The following SPOCK1 variants were observed in gnomAD, a reference collection of about 807,000 sequenced individuals.
SPOCK1 encodes the protein testican-1.
Under a neutral mutation model 55.3 loss-of-function variants are expected in SPOCK1, and 23 were observed. The observed-to-expected ratio is 0.42, with a 90% confidence interval of 0.30 to 0.59. SPOCK1 has a LOEUF of 0.59. Among genes scored for constraint, SPOCK1 ranks in the 20% least tolerant of loss-of-function variants. The probability of loss-of-function intolerance (pLI) is 0.22; values close to 1 mark genes in which losing one functional copy is unlikely to be tolerated. For synonymous variants in SPOCK1, 226 were observed against 221.0 expected (o/e 1.02, Z -0.20); for missense variants, 499 against 552.5 (o/e 0.90, Z 0.97).
intron 3 of SPOCK1, among the ~76,000 whole-genome samples, chr5:137,251,907 C>T (rs1455134694): frequency 6.6e-5 from 10 of 152,046 alleles, no homozygotes; most frequent in South Asian, 2.1e-4. Flanking sequence ...GGATCGTATT[C>T]GACATATTAT....
At chr5:136,999,907 G>A (rs556351778) in intron 6 of SPOCK1, among the ~76,000 whole-genome samples, 3 of 152,190 alleles carry the variant, frequency 2.0e-5, no homozygotes, top group African/African-American at 7.2e-5. Flanking sequence ...CCAATTACTG[G>A]TATATTCTTG....
intron 6 of SPOCK1, among the ~76,000 whole-genome samples, chr5:137,013,439 T>C (rs1000007305): frequency 6.6e-6 from 1 of 152,118 alleles, no homozygotes; most frequent in Non-Finnish European, 1.5e-5. Flanking sequence ...TTAAAGAGAG[T>C]TTATTTAAAT....
chr5:137,448,663 A>G (rs1054212075), intron 2 of SPOCK1, among the ~76,000 whole-genome samples: 1 of 152,246 alleles, frequency 6.6e-6, no homozygotes, highest in Non-Finnish European at 1.5e-5. Context: ...TTGCATTTGC[A>G]AACAGCAGCA....
At position 137,417,823 on chromosome 5, in the gene SPOCK1, C is replaced by T. The variant is rs1236608066; in HGVS notation, c.186+80550G>A. ...TTATGTTTTATTTTCTTTTATTATA[C>T]TTTAAGGTTTAGGGTACATGTGCAC... is the stretch of plus-strand genomic sequence containing the variant. On this transcript the variant is annotated intron_variant, in intron 2 of 10. Transcript: ENST00000394945. Among the ~76,000 whole-genome samples the T allele has an allele frequency of 2.0e-5, 3 of 151,914 alleles. No homozygotes were observed. In the East Asian group the frequency reaches 5.8e-4, roughly 29 times the overall value.
chr5:136,992,149 C>T (rs1393013115), intron 7 of SPOCK1, among the ~76,000 whole-genome samples: 1 of 152,172 alleles, frequency 6.6e-6, no homozygotes, highest in African/African-American at 2.4e-5. Flanking sequence ...AAGATAGTCA[C>T]ATTTCTACAT....
At chr5:137,455,066 A>C (rs1753334189) in intron 2 of SPOCK1, among the ~76,000 whole-genome samples, 1 of 152,186 alleles carries the variant, frequency 6.6e-6, no homozygotes, top group South Asian at 2.1e-4. Context: ...TTCAATTCTC[A>C]AACCTTTGGG....
intron 3 of SPOCK1, among the ~76,000 whole-genome samples, chr5:137,195,187 C>T (rs1003880434): frequency 6.6e-6 from 1 of 152,178 alleles, no homozygotes; most frequent in Non-Finnish European, 1.5e-5. Flanking sequence ...CCTTTTAATG[C>T]CCCTTCATTG....
At chr5:137,245,761 C>A (rs13187474) in intron 3 of SPOCK1, among the ~76,000 whole-genome samples, 144 of 119,000 alleles carry the variant, frequency 1.2e-3, no homozygotes, top group South Asian at 2.1e-3. Flanking sequence ...GTTAAAAAAA[C>A]AAAACAAAAC....
chr5:137,251,551 C>T (rs1756529535), intron 3 of SPOCK1, among the ~76,000 whole-genome samples: 1 of 152,140 alleles, frequency 6.6e-6, no homozygotes, highest in Non-Finnish European at 1.5e-5. Context: ...GGCTGATGCT[C>T]CGATTTGACA....
chr5:137,406,310 C>A (rs1752098309), intron 2 of SPOCK1, among the ~76,000 whole-genome samples: 1 of 152,188 alleles, frequency 6.6e-6, no homozygotes, highest in Non-Finnish European at 1.5e-5. Flanking sequence ...GAGATTAATT[C>A]TAGGACTGAG....
At chr5:137,240,324 G>A (rs958454374) in intron 3 of SPOCK1, among the ~76,000 whole-genome samples, 2 of 152,198 alleles carry the variant, frequency 1.3e-5, no homozygotes, top group African/African-American at 4.8e-5. Flanking sequence ...CTGCTTCTGG[G>A]GAGGCTTCAG....
rs373673037 is a variant in SPOCK1, at chr5:137,015,128, T to C, written c.590-22528A>G. On this transcript the variant is annotated intron_variant, in intron 6 of 10. Transcript: ENST00000394945. Reference sequence around the variant, plus strand: ...GGTTATCACAGTAGTCTTGGGAAAGTAAAATTGGTCTGCTTTTTAAAGAAC... The same window carrying C: ...GGTTATCACAGTAGTCTTGGGAAAGCAAAATTGGTCTGCTTTTTAAAGAAC... Among the ~76,000 whole-genome samples the C allele has an allele frequency of 1.4e-4, 22 of 152,058 alleles. No individual in the cohort carries two copies. The South Asian group carries it at 4.2e-3, about 29-fold the overall frequency.
chr5:137,146,211 T>A (rs1377427793), intron 3 of SPOCK1, among the ~76,000 whole-genome samples: 1 of 152,220 alleles, frequency 6.6e-6, no homozygotes, highest in East Asian at 1.9e-4. Context: ...TGGTCAACTC[T>A]TAGAACCCCT....
chr5:137,172,156 A>G (rs1006629857), intron 3 of SPOCK1, among the ~76,000 whole-genome samples: 3 of 152,200 alleles, frequency 2.0e-5, no homozygotes, highest in Non-Finnish European at 4.4e-5. Context: ...AATCTTCCAG[A>G]CAGACAAATA....
intron 3 of SPOCK1, among the ~76,000 whole-genome samples, chr5:137,260,589 C>T (rs1756726948): frequency 6.6e-6 from 1 of 152,132 alleles, no homozygotes; most frequent in South Asian, 2.1e-4. Flanking sequence ...AAGGGGCACC[C>T]ATGAGATTCA....
intron 2 of SPOCK1, among the ~76,000 whole-genome samples, chr5:137,432,416 T>C (rs561421712): frequency 5.6e-5 from 1 of 17,818 alleles, no homozygotes; most frequent in Non-Finnish European, 1.1e-4. Context: ...CGAAATATTA[T>C]TCAGCCATAA....
chr5:137,081,503 C>A (rs547278866), intron 5 of SPOCK1, among the ~76,000 whole-genome samples: 2 of 152,338 alleles, frequency 1.3e-5, no homozygotes, highest in Non-Finnish European at 2.9e-5. Context: ...CATCACCAAC[C>A]ATTCAGCCTG....
At chr5:137,271,527 C>T (rs1756963333) in intron 2 of SPOCK1, among the ~76,000 whole-genome samples, 2 of 151,932 alleles carry the variant, frequency 1.3e-5, no homozygotes, top group South Asian at 4.2e-4. Flanking sequence ...ACAAAATATT[C>T]TTGCTATAAT....
chr5:137,225,748 A>C (rs1755933243), intron 3 of SPOCK1, among the ~76,000 whole-genome samples: 1 of 152,236 alleles, frequency 6.6e-6, no homozygotes, highest in Admixed American at 6.5e-5. Context: ...GTGGAGCTGC[A>C]AAATTTGCAT....
Sources: allele counts gnomAD v4.1 joint callset (sites outside exome capture counted in the v4.1 genomes callset), GRCh38; gene constraint gnomAD v4.1.1; transcripts MANE v1.5; gene names NCBI Gene and HGNC (gene_info 2026-07-23, HGNC 2026-07-21).